The following PCCB variants were observed in gnomAD, a reference collection of about 807,000 sequenced individuals.
The protein encoded by PCCB is propionyl-CoA carboxylase subunit beta.
A neutral mutation model predicts 60.7 loss-of-function variants in PCCB; 43 were observed. That is an observed-to-expected ratio of 0.71 (90% CI 0.55 to 0.91). PCCB has a LOEUF of 0.91. Among genes scored for constraint, PCCB ranks in the 40% least tolerant of loss-of-function variants. The pLI is 0.00. For synonymous variants in PCCB, 276 were observed against 255.9 expected (o/e 1.08, Z -0.75); for missense variants, 766 against 702.8 (o/e 1.09, Z -1.02).
At chr3:136,254,518 CT>C (rs3994953) in intron 1 of PCCB, among the ~76,000 whole-genome samples, 2,062 of 45,730 alleles carry the variant, frequency 0.045, 21 homozygotes, top group East Asian at 0.099. Flanking sequence ...CTGCGGCTAG[CT>C]TTTTTTTTTT....
Position 136,250,574 on chromosome 3 carries a change from C to T in PCCB, c.183+16C>T, listed in dbSNP as rs747222261. The T allele has an allele frequency of 4.4e-6, 7 of 1,601,306 alleles. No individual in the cohort carries two copies. The Admixed American group carries it at 8.5e-5, about 19-fold the overall frequency. On this transcript the variant is annotated intron_variant, in intron 1 of 14. Transcript: ENST00000251654. Reference sequence around the variant, plus strand: ...GCACAAGCGAGTGAGTCCTGAGGGGCCTAAGTGAGTCCCGCCCCTGGCGTC... The same window carrying T: ...GCACAAGCGAGTGAGTCCTGAGGGGTCTAAGTGAGTCCCGCCCCTGGCGTC...
At chr3:136,299,666 G>A (rs1934133665) in intron 8 of PCCB, among the ~76,000 whole-genome samples, 1 of 123,938 alleles carries the variant, frequency 8.1e-6, no homozygotes, top group Non-Finnish European at 1.7e-5. Flanking sequence ...GTATGTATAG[G>A]TATGCATGTG....
At chr3:136,255,212 T>A (rs537316766) in intron 1 of PCCB, 6 of 156,084 alleles carry the variant, frequency 3.8e-5, no homozygotes, top group African/African-American at 1.4e-4. Flanking sequence ...GTGAGCTCTT[T>A]AGCATTTTGT....
At chr3:136,276,026 C>T (rs1942323335) in intron 5 of PCCB, among the ~76,000 whole-genome samples, 1 of 152,158 alleles carries the variant, frequency 6.6e-6, no homozygotes, top group Non-Finnish European at 1.5e-5. Flanking sequence ...CTGCCTTGGC[C>T]TCCCAAAGTG....
chr3:136,293,145 G>A (rs562875779), intron 6 of PCCB, among the ~76,000 whole-genome samples: 39 of 152,200 alleles, frequency 2.6e-4, no homozygotes, highest in Middle Eastern at 3.4e-3. Flanking sequence ...AGGACTACAG[G>A]CACATGCCAC....
At chr3:136,320,182 C>T (rs1365491400) in intron 10 of PCCB, among the ~76,000 whole-genome samples, 1 of 151,936 alleles carries the variant, frequency 6.6e-6, no homozygotes, top group African/African-American at 2.4e-5. Flanking sequence ...CATTTGGGGC[C>T]CTTTTAAATT....
Position 136,295,766 on chromosome 3 carries a change from C to T in PCCB, c.763+1902C>T, listed in dbSNP as rs112535846. Among the ~76,000 whole-genome samples, 17 of 152,030 alleles carry T rather than the reference C, an allele frequency of 1.1e-4. No individual in the cohort carries two copies. The East Asian group carries it at 1.2e-3, about 10-fold the overall frequency. ...TGGTTATACCCTTGCAGTCTTTTCA[C>T]GCACATGAGCGTGAATACACAAACA... On this transcript the variant is annotated intron_variant, in intron 7 of 14. Coordinates refer to ENST00000251654, the MANE Select transcript of PCCB (RefSeq NM_000532.5).
intron 5 of PCCB, among the ~76,000 whole-genome samples, chr3:136,275,192 T>A (rs1942307242): frequency 6.6e-6 from 1 of 152,342 alleles, no homozygotes. Flanking sequence ...GCTCTGAAAT[T>A]CATTCTTTGA....
At chr3:136,256,328 A>G (rs1941670413) in intron 2 of PCCB, 1 of 593,334 alleles carries the variant, frequency 1.7e-6, no homozygotes, top group Non-Finnish European at 3.0e-6. Flanking sequence ...AGGAGGGTAC[A>G]TAAGGCCTAA....
chr3:136,304,226 C>T (rs1197394966), intron 9 of PCCB, among the ~76,000 whole-genome samples: 1 of 114,190 alleles, frequency 8.8e-6, no homozygotes, highest in Non-Finnish European at 1.9e-5. Context: ...GTGACTTTGA[C>T]TCACTGCAGG....
chr3:136,327,308 C>T (rs1389501246), intron 12 of PCCB, 53 bp downstream of exon 12: 26 of 1,390,958 alleles, frequency 1.9e-5, no homozygotes, highest in South Asian at 1.4e-4. Context: ...TACAGCATAG[C>T]CGTGGTGGGA....
At chr3:136,324,982 TC>T (rs1431855458) in intron 10 of PCCB, among the ~76,000 whole-genome samples, 7 of 152,226 alleles carry the variant, frequency 4.6e-5, no homozygotes, top group Non-Finnish European at 1.0e-4. Context: ...AACCTCCTTC[TC>T]CCAGGTTCAA....
intron 11 of PCCB, 83 bp from the exon 12 acceptor site, chr3:136,327,072 G>C: frequency 7.5e-7 from 1 of 1,341,438 alleles, no homozygotes; most frequent in Admixed American, 1.7e-5. Context: ...CCTCTCCAGA[G>C]GTGGGAAAGA....
chr3:136,254,481 A>C (rs1049014235), intron 1 of PCCB, among the ~76,000 whole-genome samples: 2 of 141,588 alleles, frequency 1.4e-5, no homozygotes, highest in Non-Finnish European at 3.0e-5. Context: ...TGGCCTCCCA[A>C]AGTGCTGGGA....
intron 9 of PCCB, among the ~76,000 whole-genome samples, chr3:136,301,665 T>C (rs2108209589): frequency 6.6e-6 from 1 of 152,212 alleles, no homozygotes. Flanking sequence ...TCCTTAAGGG[T>C]ACACTGTGCT....
intron 10 of PCCB, among the ~76,000 whole-genome samples, chr3:136,322,994 A>G (rs1349177675): frequency 1.0e-5 from 1 of 98,858 alleles, no homozygotes; most frequent in African/African-American, 4.3e-5. Flanking sequence ...CTTGTAAATG[A>G]TGAGTTTTTT....
chr3:136,263,360 G>T (rs1427011159), intron 5 of PCCB, among the ~76,000 whole-genome samples: 1 of 151,310 alleles, frequency 6.6e-6, no homozygotes, highest in Non-Finnish European at 1.5e-5. Flanking sequence ...CAGCCTCCTG[G>T]GCTCAAGCGA....
At chr3:136,289,870 T>G (rs965737997) in intron 6 of PCCB, among the ~76,000 whole-genome samples, 2 of 152,050 alleles carry the variant, frequency 1.3e-5, no homozygotes, top group Non-Finnish European at 2.9e-5. Context: ...CAGATAACAC[T>G]TTTCTGCTTC....
rs1933218375 is a variant in PCCB at position 136,283,919 on chromosome 3, C to G, written c.626C>G (p.Ala209Gly). The change falls in exon 6 of 15, where the codon GCC (alanine) becomes GGC (glycine). Residue 209 changes from alanine (A) to glycine (G), a missense_variant. Ala to Gly is a moderately conservative substitution (Grantham distance 60). Transcript: ENST00000251654. ...GCTGGTGGGGCCGTCTACTCCCCAG[C>G]CCTAACAGACTTCACGTTCATGGTA... ...PCAGGAVYSP[A>G]LTDFTFMVKD... 1 of 1,612,238 alleles carries G rather than the reference C, an allele frequency of 6.2e-7. No homozygotes were observed.
Sources: allele counts gnomAD v4.1 joint callset (sites outside exome capture counted in the v4.1 genomes callset), GRCh38; gene constraint gnomAD v4.1.1; transcripts MANE v1.5; gene names NCBI Gene and HGNC (gene_info 2026-07-23, HGNC 2026-07-21).